Variants in CFDP1 observed in about 807,000 individuals in gnomAD.
The protein encoded by CFDP1 is chromatin remodeling protein CFDP1, also known as heterochromatin-stabilizing protein CFDP1.
Under a neutral mutation model 40.1 loss-of-function variants are expected in CFDP1, and 31 were observed. The observed-to-expected ratio is 0.77, with a 90% CI of 0.58 to 1.04. CFDP1 has a LOEUF of 1.04. CFDP1 is among the 50% of genes least tolerant of loss of function. The pLI is 0.00. For synonymous variants in CFDP1, 167 were observed against 120.0 expected (o/e 1.39, Z -2.56); for missense variants, 423 against 343.4 (o/e 1.23, Z -1.83).
At chr16:75,406,068 C>G (rs2079096870) in intron 4 of CFDP1, among the ~76,000 whole-genome samples, 1 of 151,772 alleles carries the variant, frequency 6.6e-6, no homozygotes, top group Admixed American at 6.6e-5. Context: ...ACAGCAAGAC[C>G]CCATCTCTAC....
At chr16:75,342,076 A>G (rs907287233) in intron 5 of CFDP1, among the ~76,000 whole-genome samples, 3 of 152,190 alleles carry the variant, frequency 2.0e-5, no homozygotes, top group Non-Finnish European at 4.4e-5. Flanking sequence ...TCATCCCTGA[A>G]TATCACAGGC....
At chr16:75,303,365 CTAAATAAATAAATAAA>C (rs576854066) in intron 6 of CFDP1, among the ~76,000 whole-genome samples, 4 of 136,184 alleles carry the variant, frequency 2.9e-5, no homozygotes, top group South Asian at 2.4e-4. Context: ...GACTCCATCT[CTAAATAAATAAATAAA>C]TAAATAAATA....
chr16:75,303,374 T>C (rs2078234408), intron 6 of CFDP1, among the ~76,000 whole-genome samples: 2 of 109,448 alleles, frequency 1.8e-5, no homozygotes, highest in Admixed American at 1.2e-4. Context: ...TCTAAATAAA[T>C]AAATAAATAA....
chr16:75,399,218 C>A (rs1417681474), intron 4 of CFDP1, among the ~76,000 whole-genome samples: 1 of 152,082 alleles, frequency 6.6e-6, no homozygotes, highest in African/African-American at 2.4e-5. Flanking sequence ...TTTTTTAAAG[C>A]CACTAAATTT....
chr16:75,374,596 C>G (rs948460377), intron 5 of CFDP1, among the ~76,000 whole-genome samples: 3 of 151,794 alleles, frequency 2.0e-5, no homozygotes, highest in Non-Finnish European at 4.4e-5. Flanking sequence ...AAGGGAGGAT[C>G]AGTTGATCCC....
At chr16:75,322,193 T>C (rs1390330828) in intron 5 of CFDP1, among the ~76,000 whole-genome samples, 1 of 152,260 alleles carries the variant, frequency 6.6e-6, no homozygotes, top group Admixed American at 6.5e-5. Flanking sequence ...ATCAGAAATC[T>C]AGTCTTTACA....
rs1295511780 is a variant in CFDP1 at position 75,433,307 on chromosome 16, C to T, written c.46G>A (p.Glu16Lys). ...CGCTCACCCGACGGCACGTAGTCCT[C>T]GTCCTCCTCCGACGTAGAGAAGTCT... is the stretch of plus-strand genomic sequence containing the variant. ...SEDFSTSEED[E>K]DYVPSGGEYS... Residue 16 changes from glutamate (E) to lysine (K), a missense_variant, in exon 1 of 7, where the codon GAG (glutamate) becomes AAG (lysine). Glu to Lys is a moderately conservative substitution (Grantham distance 56). Transcript: ENST00000283882. The T allele has an allele frequency of 1.9e-6, 3 of 1,600,686 alleles. No individual in the cohort carries two copies. The highest frequency in any genetic ancestry group is 2.2e-5 in the East Asian group (1 of 44,496).
At chr16:75,326,658 G>A (rs1366711967) in intron 5 of CFDP1, among the ~76,000 whole-genome samples, 1 of 152,158 alleles carries the variant, frequency 6.6e-6, no homozygotes, top group Non-Finnish European at 1.5e-5. Context: ...GCTGGGGACC[G>A]TGGTGCCTGG....
chr16:75,373,250 C>A (rs780140749), intron 5 of CFDP1, among the ~76,000 whole-genome samples: 20 of 152,236 alleles, frequency 1.3e-4, no homozygotes, highest in Non-Finnish European at 2.6e-4. Context: ...AACACTTACA[C>A]ACACAGATGT....
At chr16:75,414,304 T>C (rs1378204031) in intron 2 of CFDP1, among the ~76,000 whole-genome samples, 1 of 152,188 alleles carries the variant, frequency 6.6e-6, no homozygotes, top group Non-Finnish European at 1.5e-5. Flanking sequence ...CAACAAGGTC[T>C]AGGAACAGGG....
rs2078457227 is a variant in CFDP1, at chr16:75,332,894, G to A, written c.651-27712C>T. Among the ~76,000 whole-genome samples the A allele has an allele frequency of 2.8e-5, 4 of 143,164 alleles. No individual in the cohort carries two copies. In the South Asian group the frequency reaches 6.7e-4, roughly 24 times the overall value. 93.9% of individuals were successfully genotyped at this position (143,164 alleles called of 152,430 possible). On this transcript the variant is annotated intron_variant, in intron 5 of 6. Coordinates refer to ENST00000283882, the MANE Select transcript of CFDP1 (RefSeq NM_006324.3). ...GCGATCCCAGCTCACTGCAACCTCC[G>A]CCTCCCAGGTTCAAGTGATTCTCCT...
Position 75,412,634 on chromosome 16 carries a change from T to C in CFDP1, c.303A>G (p.Gly101=). The C allele has an allele frequency of 1.2e-6, 2 of 1,614,168 alleles. No homozygotes were observed. Among genetic ancestry groups the C allele is most frequent in the African/African-American group, 1.3e-5 (1 of 75,032 alleles). ...DDAAEQEKGI[G]SEDARKKKED... is the part of the protein sequence containing the mutation. ...CCTTCTTTTTCCTGGCATCCTCTGA[T>C]CCAATGCCTTTTTCCTGCTCTGCAG... The change falls in exon 3 of 7, where the codon GGA becomes GGG. Residue 101 remains glycine (G), a synonymous_variant. Transcript: ENST00000283882.
intron 4 of CFDP1, among the ~76,000 whole-genome samples, chr16:75,402,113 G>A (rs377735562): frequency 3.9e-5 from 6 of 152,256 alleles, no homozygotes; most frequent in African/African-American, 1.4e-4. Context: ...TTCATTGACA[G>A]TATGCCTAGA....
intron 3 of CFDP1, 35 bp downstream of exon 3, chr16:75,412,500 G>A: frequency 1.3e-6 from 2 of 1,490,116 alleles, no homozygotes; most frequent in Non-Finnish European, 1.9e-6. Context: ...GGGTATTTCT[G>A]GAGAGGCATT....
At chr16:75,358,329 A>T (rs370560605) in intron 5 of CFDP1, among the ~76,000 whole-genome samples, 4 of 152,220 alleles carry the variant, frequency 2.6e-5, no homozygotes, top group Non-Finnish European at 5.9e-5. Context: ...AGGCATGCCT[A>T]CATATAGGAA....
At chr16:75,383,198 A>G (rs2078865777) in intron 5 of CFDP1, among the ~76,000 whole-genome samples, 1 of 152,206 alleles carries the variant, frequency 6.6e-6, no homozygotes, top group South Asian at 2.1e-4. Flanking sequence ...GTAACTGAGT[A>G]TAGTTAAGTG....
chr16:75,433,209 A>G, intron 1 of CFDP1, 80 bp downstream of exon 1: 2 of 1,392,236 alleles, frequency 1.4e-6, no homozygotes, highest in South Asian at 1.2e-5. Flanking sequence ...CACAGGGCAG[A>G]CGCCCGCGGG....
intron 1 of CFDP1, among the ~76,000 whole-genome samples, chr16:75,431,708 T>C (rs192777416): frequency 7.9e-5 from 12 of 151,870 alleles, no homozygotes; most frequent in Non-Finnish European, 1.8e-4. Context: ...GACTACGGAG[T>C]TGGGGAGGCC....
intron 5 of CFDP1, among the ~76,000 whole-genome samples, chr16:75,315,553 T>G (rs563102479): frequency 7.9e-5 from 12 of 152,196 alleles, no homozygotes; most frequent in Non-Finnish European, 1.5e-4. Context: ...TATGGTCTGG[T>G]GCAAAAATCC....
Sources: gnomAD v4.1 joint callset for allele counts (sites outside exome capture counted in the v4.1 genomes callset) on GRCh38, gnomAD v4.1.1 for gene constraint, MANE v1.5 for transcripts, NCBI Gene and HGNC (gene_info 2026-07-23, HGNC 2026-07-21) for gene names.